The following DLG2 variants were observed in gnomAD, a reference collection of about 807,000 sequenced individuals.
The protein encoded by DLG2 is discs large MAGUK scaffold protein 2.
A neutral mutation model predicts 132.5 loss-of-function variants in DLG2; 45 were observed. The ratio of observed to expected loss-of-function variants is 0.34; its 90% confidence interval spans 0.27 to 0.44. The LOEUF is 0.44. DLG2 is among the 20% of genes least tolerant of loss of function. The pLI is 1.00. For missense variants in DLG2, 1,045 were observed against 1,196.9 expected, an observed-to-expected ratio of 0.87 and a Z score of 1.87; for synonymous variants, 424 against 419.6, an observed-to-expected ratio of 1.01 and a Z score of -0.13.
At chr11:83,518,458 C>T (rs886869091) in intron 21 of DLG2, among the ~76,000 whole-genome samples, 1 of 152,204 alleles carries the variant, frequency 6.6e-6, no homozygotes, top group Non-Finnish European at 1.5e-5. Context: ...TCCCTGACCT[C>T]TTGTGCTTCC....
At chr11:84,649,666 T>C (rs1002956258) in intron 6 of DLG2, among the ~76,000 whole-genome samples, 2 of 152,206 alleles carry the variant, frequency 1.3e-5, no homozygotes, top group African/African-American at 2.4e-5. Context: ...CTTTATTTGA[T>C]AGGTTTGCTG....
intron 7 of DLG2, among the ~76,000 whole-genome samples, chr11:84,371,520 T>G (rs2098706480): frequency 6.6e-6 from 1 of 151,994 alleles, no homozygotes; most frequent in African/African-American, 2.4e-5. Context: ...ACTGCTGGAG[T>G]TACAGCTGTG....
chr11:85,021,056 C>A, intron 6 of DLG2: 1 of 772,912 alleles, frequency 1.3e-6, no homozygotes, highest in Non-Finnish European at 2.4e-6. Context: ...CCAGGTTTCC[C>A]AGGAGAGAAT....
intron 3 of DLG2, among the ~76,000 whole-genome samples, chr11:85,450,820 A>G (rs930662445): frequency 3.9e-5 from 6 of 152,060 alleles, no homozygotes; most frequent in African/African-American, 1.2e-4. Context: ...CTCTTTTCTC[A>G]GCTTCCATAA....
At chr11:83,978,917 T>C (rs1297130475) in intron 12 of DLG2, among the ~76,000 whole-genome samples, 3 of 152,156 alleles carry the variant, frequency 2.0e-5, no homozygotes, top group Non-Finnish European at 2.9e-5. Context: ...GCTAGCCAGA[T>C]TGCCTCAATT....
intron 6 of DLG2, among the ~76,000 whole-genome samples, chr11:84,599,101 C>T (rs1014534486): frequency 2.6e-5 from 4 of 151,962 alleles, no homozygotes; most frequent in Admixed American, 2.0e-4. Context: ...AAAATTTAGC[C>T]GGGCATGATG....
intron 12 of DLG2, among the ~76,000 whole-genome samples, chr11:83,978,643 G>A (rs1177664592): frequency 6.6e-6 from 1 of 152,054 alleles, no homozygotes; most frequent in Non-Finnish European, 1.5e-5. Flanking sequence ...TGGTAAAGCA[G>A]CCCACAACTG....
At chr11:85,085,792 T>A (rs2067845977) in intron 6 of DLG2, among the ~76,000 whole-genome samples, 1 of 152,118 alleles carries the variant, frequency 6.6e-6, no homozygotes, top group Admixed American at 6.5e-5. Flanking sequence ...GAACTGTGAC[T>A]CCAAAGTCAG....
chr11:85,442,212 TG>T (rs1289638436), intron 3 of DLG2, among the ~76,000 whole-genome samples: 1 of 152,146 alleles, frequency 6.6e-6, no homozygotes, highest in East Asian at 1.9e-4. Context: ...AGAAATGACA[TG>T]ATCAAACTTA....
At chr11:84,047,265 G>C (rs2096261037) in intron 11 of DLG2, among the ~76,000 whole-genome samples, 1 of 151,582 alleles carries the variant, frequency 6.6e-6, no homozygotes, top group Admixed American at 6.6e-5. Flanking sequence ...TTTATTGAGT[G>C]AATAGATGAT....
rs1565984604 is a variant in DLG2 at position 84,796,111 on chromosome 11, C to T, written c.358-261380G>A. 3.9e-5 allele frequency among the ~76,000 whole-genome samples: 6 copies of T among 152,308 alleles called. No homozygotes were observed. The South Asian group carries it at 1.2e-3, about 32-fold the overall frequency. ...TACCACTAGTCAAAGAGGTTTCCAG[C>T]TGGAAAAACGATACCCCAAGTATCT... On this transcript the variant is annotated intron_variant, in intron 6 of 27. Transcript: ENST00000376104.
intron 7 of DLG2, among the ~76,000 whole-genome samples, chr11:84,450,056 G>A (rs1033919717): frequency 1.3e-5 from 2 of 151,752 alleles, no homozygotes; most frequent in East Asian, 3.9e-4. Context: ...AAATACCTGA[G>A]TCAGATAATA....
chr11:84,248,020 CT>C (rs1017871530), intron 8 of DLG2, among the ~76,000 whole-genome samples: 35 of 151,946 alleles, frequency 2.3e-4, no homozygotes, highest in Admixed American at 2.0e-3. Flanking sequence ...TTAAATAGAG[CT>C]GAAATTATGT....
At chr11:85,270,025 G>A (rs1046084470) in intron 4 of DLG2, among the ~76,000 whole-genome samples, 6 of 152,148 alleles carry the variant, frequency 3.9e-5, no homozygotes, top group African/African-American at 1.4e-4. Flanking sequence ...ATTAAAATGT[G>A]TTAGTACCTG....
chr11:84,758,456 A>G (rs190284328), intron 6 of DLG2, among the ~76,000 whole-genome samples: 39 of 152,342 alleles, frequency 2.6e-4, no homozygotes, highest in African/African-American at 3.1e-4. Flanking sequence ...AAAATATTAC[A>G]TCAAGTAAAA....
intron 6 of DLG2, among the ~76,000 whole-genome samples, chr11:84,738,506 T>C (rs2064164924): frequency 6.6e-6 from 1 of 152,158 alleles, no homozygotes; most frequent in Non-Finnish European, 1.5e-5. Context: ...CATTCCTTTG[T>C]TTCTCAATAG....
chr11:84,156,104 G>A (rs1296752066), intron 9 of DLG2, among the ~76,000 whole-genome samples: 1 of 152,074 alleles, frequency 6.6e-6, no homozygotes, highest in Non-Finnish European at 1.5e-5. Context: ...GTGGTGTTTT[G>A]CAGGACAGGA....
chr11:83,677,642 A>C (rs182729789), intron 18 of DLG2, among the ~76,000 whole-genome samples: 3 of 152,316 alleles, frequency 2.0e-5, no homozygotes, highest in East Asian at 3.9e-4. Flanking sequence ...AAAAGGAAAA[A>C]ATCATTCATG....
chr11:85,287,222 G>A (rs1345048052), intron 3 of DLG2, among the ~76,000 whole-genome samples: 2 of 151,732 alleles, frequency 1.3e-5, no homozygotes, highest in Non-Finnish European at 2.9e-5. Flanking sequence ...TATCAATAAA[G>A]AAAGCAAAAA....
Sources: allele counts gnomAD v4.1 joint callset (sites outside exome capture counted in the v4.1 genomes callset), GRCh38; gene constraint gnomAD v4.1.1; transcripts MANE v1.5; gene names NCBI Gene and HGNC (gene_info 2026-07-23, HGNC 2026-07-21).